The following XYLT1 variants were observed in gnomAD, a reference collection of about 807,000 sequenced individuals.
XYLT1 encodes the protein xylosyltransferase 1.
A neutral mutation model predicts 91.3 loss-of-function variants in XYLT1; 36 were observed. The observed-to-expected ratio is 0.39, with a 90% confidence interval of 0.30 to 0.52. XYLT1 has a LOEUF of 0.52. Among genes scored for constraint, XYLT1 ranks in the 20% least tolerant of loss-of-function variants. The probability of loss-of-function intolerance (pLI) is 0.68; values close to 1 mark genes in which losing one functional copy is unlikely to be tolerated. For synonymous variants in XYLT1, 588 were observed against 532.0 expected, an observed-to-expected ratio of 1.11 and a Z score of -1.45; for missense variants, 1,242 against 1,284.5, an observed-to-expected ratio of 0.97 and a Z score of 0.51.
chr16:17,348,693 T>A (rs1203192512), intron 2 of XYLT1, among the ~76,000 whole-genome samples: 1 of 152,208 alleles, frequency 6.6e-6, no homozygotes, highest in Non-Finnish European at 1.5e-5. Flanking sequence ...TGTCTACGGA[T>A]TTTTACATCC....
chr16:17,111,187 C>G (rs1966840063), intron 11 of XYLT1, among the ~76,000 whole-genome samples: 1 of 152,038 alleles, frequency 6.6e-6, no homozygotes, highest in Non-Finnish European at 1.5e-5. Context: ...ATTGCAACCT[C>G]AGGCATAAAT....
Position 17,102,303 on chromosome 16 carries a change from A to G in XYLT1, c.*6392T>C, listed in dbSNP as rs543038874. Reference sequence around the variant, plus strand: ...GTAAAGATGCACAATGTTGCTGAAAAGAAGCCACATATAGTCACTGTTCCA... The same window carrying G: ...GTAAAGATGCACAATGTTGCTGAAAGGAAGCCACATATAGTCACTGTTCCA... On this transcript the variant is annotated 3_prime_UTR_variant, in exon 12 of 12. Transcript: ENST00000261381. 2 of 152,788 alleles carry G rather than the reference A, an allele frequency of 1.3e-5. No individual in the cohort carries two copies. The highest frequency in any genetic ancestry group is 3.9e-4 in the East Asian group (2 of 5,188). The allele number at this position is 152,788 out of a possible 1,614,324, so 9.5% of individuals were successfully genotyped here.
At chr16:17,392,455 TA>T (rs1486487334) in intron 1 of XYLT1, among the ~76,000 whole-genome samples, 3 of 152,216 alleles carry the variant, frequency 2.0e-5, no homozygotes, top group African/African-American at 7.2e-5. Flanking sequence ...TTTGCCATGT[TA>T]ACAGGTTCTA....
At chr16:17,363,112 A>C (rs1436811824) in intron 1 of XYLT1, among the ~76,000 whole-genome samples, 1 of 152,214 alleles carries the variant, frequency 6.6e-6, no homozygotes, top group Admixed American at 6.5e-5. Context: ...TGCAGATCAC[A>C]GCGAATGAAA....
chr16:17,123,294 G>T (rs1236327474), intron 10 of XYLT1, among the ~76,000 whole-genome samples: 1 of 152,076 alleles, frequency 6.6e-6, no homozygotes, highest in East Asian at 1.9e-4. Flanking sequence ...CTCCTTGGTG[G>T]GTTTGGGTTT....
chr16:17,179,195 C>G (rs374803685), intron 5 of XYLT1, among the ~76,000 whole-genome samples: 1 of 152,010 alleles, frequency 6.6e-6, no homozygotes, highest in South Asian at 2.1e-4. Context: ...TGAGTACACA[C>G]GGAAACAAAG....
intron 1 of XYLT1, among the ~76,000 whole-genome samples, chr16:17,420,565 T>G (rs1329653825): frequency 6.6e-6 from 1 of 152,158 alleles, no homozygotes. Flanking sequence ...TTCTTCTATC[T>G]GGAACACTTC....
At chr16:17,344,542 G>C (rs2035117282) in intron 2 of XYLT1, among the ~76,000 whole-genome samples, 1 of 151,212 alleles carries the variant, frequency 6.6e-6, no homozygotes, top group African/African-American at 2.4e-5. Flanking sequence ...GTAGTGCCCA[G>C]ATCAAGTGAC....
At chr16:17,266,183 G>A (rs1027391856) in intron 2 of XYLT1, among the ~76,000 whole-genome samples, 3 of 152,154 alleles carry the variant, frequency 2.0e-5, no homozygotes, top group Non-Finnish European at 2.9e-5. Context: ...GAAGAAGTGA[G>A]TTTGATTCCT....
At chr16:17,426,469 C>T (rs2036320255) in intron 1 of XYLT1, among the ~76,000 whole-genome samples, 1 of 152,052 alleles carries the variant, frequency 6.6e-6, no homozygotes, top group Non-Finnish European at 1.5e-5. Flanking sequence ...CTGCTTGAAC[C>T]CGGGAGGCAG....
intron 2 of XYLT1, among the ~76,000 whole-genome samples, chr16:17,323,598 G>A (rs948250809): frequency 6.6e-6 from 1 of 152,136 alleles, no homozygotes; most frequent in Non-Finnish European, 1.5e-5. Flanking sequence ...TCGTCATCAC[G>A]GTTCACTTTA....
At chr16:17,225,631 T>C (rs2033050091) in intron 3 of XYLT1, among the ~76,000 whole-genome samples, 1 of 152,316 alleles carries the variant, frequency 6.6e-6, no homozygotes, top group African/African-American at 2.4e-5. Flanking sequence ...AATTTTCTTT[T>C]AGTATATTAC....
At position 17,358,047 on chromosome 16, in the gene XYLT1, G is replaced by A. The variant is rs181096525; in HGVS notation, c.367C>T (p.Pro123Ser). ...AGGGTGATGAGCGGACTTGGGTGTG[G>A]ATCCTGTAGGATGAAAGGAGAAAAT... ...RGALPARALD[P>S]HPSPLITLET... The change falls in exon 2 of 12, where the codon CCA becomes TCA. Residue 123 changes from proline to serine, a missense_variant. Transcript: ENST00000261381. 127 of 1,613,476 alleles carry A rather than the reference G, an allele frequency of 7.9e-5. No homozygotes were observed. The highest frequency in any genetic ancestry group is 1.1e-4 in the Non-Finnish European group (125 of 1,179,690).
rs1195666591 is a variant in XYLT1, at chr16:17,385,308, A to ACC, written c.364-27259_364-27258insGG. Among the ~76,000 whole-genome samples, 7 of 149,652 alleles carry ACC rather than the reference A, an allele frequency of 4.7e-5. No individual in the cohort carries two copies. In the South Asian group the frequency reaches 1.1e-3, roughly 23 times the overall value. On this transcript the variant is annotated intron_variant, in intron 1 of 11. Coordinates refer to ENST00000261381, the MANE Select transcript of XYLT1 (RefSeq NM_022166.4). ...CACACACACACACACACACACACAC[A>ACC]CACCTATGTACTCCACTGTTGGCCT...
chr16:17,246,101 G>A (rs141296458), intron 3 of XYLT1, among the ~76,000 whole-genome samples: 1,953 of 152,278 alleles, frequency 0.013, 23 homozygotes, highest in Admixed American at 0.027. Flanking sequence ...CCCTTGCCAC[G>A]CCACTGGAAC....
chr16:17,428,451 G>C (rs1265529827), intron 1 of XYLT1, among the ~76,000 whole-genome samples: 1 of 152,186 alleles, frequency 6.6e-6, no homozygotes, highest in Non-Finnish European at 1.5e-5. Context: ...GCCAGGCTGA[G>C]GGGCTGTTGA....
intron 3 of XYLT1, among the ~76,000 whole-genome samples, chr16:17,237,855 T>TA (rs150964431): frequency 0.052 from 7,956 of 152,296 alleles, 280 homozygotes; most frequent in African/African-American, 0.087. Context: ...AGCAGGCTGG[T>TA]AAGTGTCTGT....
At chr16:17,162,930 A>G (rs1210657395) in intron 5 of XYLT1, among the ~76,000 whole-genome samples, 4 of 152,246 alleles carry the variant, frequency 2.6e-5, no homozygotes, top group African/African-American at 9.6e-5. Flanking sequence ...TTTCATTTCA[A>G]TAAGCCTTAG....
At chr16:17,424,249 T>A (rs540219513) in intron 1 of XYLT1, among the ~76,000 whole-genome samples, 21 of 152,340 alleles carry the variant, frequency 1.4e-4, no homozygotes, top group Middle Eastern at 6.8e-3. Context: ...TCTAAACTTC[T>A]CTACTTCCTC....
Sources: gnomAD v4.1 joint callset for allele counts (sites outside exome capture counted in the v4.1 genomes callset) on GRCh38, gnomAD v4.1.1 for gene constraint, MANE v1.5 for transcripts, NCBI Gene and HGNC (gene_info 2026-07-23, HGNC 2026-07-21) for gene names.